The following BBOX1 variants were observed in gnomAD, a reference collection of about 807,000 sequenced individuals.
BBOX1 encodes the protein gamma-butyrobetaine hydroxylase 1, also known as gamma-butyrobetaine dioxygenase.
In BBOX1, 35 loss-of-function variants were observed where a neutral mutation model predicts 41.6. That is an observed-to-expected ratio of 0.84 (90% CI 0.64 to 1.11). BBOX1 has a LOEUF of 1.11. BBOX1 is among the 50% of genes most tolerant of loss of function. The probability of loss-of-function intolerance (pLI) is 0.00; values close to 1 mark genes in which losing one functional copy is unlikely to be tolerated. For missense variants in BBOX1, 458 were observed against 460.6 expected (o/e 0.99, Z 0.05); for synonymous variants, 163 against 154.7 (o/e 1.05, Z -0.40).
intron 4 of BBOX1, among the ~76,000 whole-genome samples, chr11:27,079,612 A>G (rs1857761783): frequency 6.6e-6 from 1 of 152,158 alleles, no homozygotes; most frequent in African/African-American, 2.4e-5. Context: ...TCAGTAAGGC[A>G]TAATAGGAGA....
chr11:27,056,976 G>T (rs1218988170), intron 3 of BBOX1, among the ~76,000 whole-genome samples: 1 of 148,872 alleles, frequency 6.7e-6, no homozygotes, highest in Non-Finnish European at 1.5e-5. Context: ...TGAGGCAGGG[G>T]AATCGCTGGA....
chr11:27,048,068 A>G (rs969563161), intron 2 of BBOX1, among the ~76,000 whole-genome samples: 1 of 152,180 alleles, frequency 6.6e-6, no homozygotes, highest in Admixed American at 6.5e-5. Context: ...CAATCAAACT[A>G]ATTAATATAT....
intron 5 of BBOX1, among the ~76,000 whole-genome samples, chr11:27,104,859 A>G (rs1858804851): frequency 6.6e-6 from 1 of 152,108 alleles, no homozygotes; most frequent in South Asian, 2.1e-4. Flanking sequence ...GCAGACTGAC[A>G]CCTCACACAG....
chr11:27,116,107 G>A (rs1055298003), intron 6 of BBOX1, among the ~76,000 whole-genome samples: 2 of 152,010 alleles, frequency 1.3e-5, no homozygotes, highest in Admixed American at 6.6e-5. Flanking sequence ...TAAAGAAAAC[G>A]TGGCAGATAT....
At chr11:27,084,714 C>T (rs73430394) in intron 4 of BBOX1, among the ~76,000 whole-genome samples, 10,831 of 152,204 alleles carry the variant, frequency 0.071, 1,288 homozygotes, top group African/African-American at 0.24. Context: ...GCATGCTGTG[C>T]TCATGAATCT....
intron 5 of BBOX1, among the ~76,000 whole-genome samples, chr11:27,106,985 AC>A (rs1411766941): frequency 1.4e-4 from 21 of 152,198 alleles, no homozygotes; most frequent in African/African-American, 5.1e-4. Flanking sequence ...CTCCTGAATG[AC>A]TACTGGGTAC....
intron 5 of BBOX1, among the ~76,000 whole-genome samples, chr11:27,099,559 T>C (rs1226822357): frequency 6.6e-6 from 1 of 152,086 alleles, no homozygotes; most frequent in African/African-American, 2.4e-5. Flanking sequence ...ATAAATACTT[T>C]GGAAACTTTA....
chr11:27,109,205 G>A (rs879856957), intron 5 of BBOX1, among the ~76,000 whole-genome samples: 60 of 152,036 alleles, frequency 3.9e-4, no homozygotes, highest in Non-Finnish European at 6.6e-4. Flanking sequence ...AATAAAACAT[G>A]CTTATGAGAG....
At position 27,065,505 on chromosome 11, in the gene BBOX1, A is replaced by G. The variant is rs372954919; in HGVS notation, c.334+8190A>G. Among the ~76,000 whole-genome samples, 64 of 152,314 alleles carry G rather than the reference A, an allele frequency of 4.2e-4. No homozygotes were observed. The South Asian group carries it at 0.011, about 26-fold the overall frequency. ...CCCTTGTTCTGACTGTAAACCTACC[A>G]GGGGAGACTCAGAACCTGGGAAGCA... On this transcript the variant is annotated intron_variant, in intron 4 of 8. Transcript: ENST00000263182.
Position 27,127,687 on chromosome 11 carries a change from C to T in BBOX1, c.*234C>T, listed in dbSNP as rs1033270905. Reference sequence around the variant, plus strand: ...CTTTCTGCTCTGTTGCATGCCTGCTCTAATTTCTTTTGCCCATATATGAGT... The same window carrying T: ...CTTTCTGCTCTGTTGCATGCCTGCTTTAATTTCTTTTGCCCATATATGAGT... On this transcript the variant is annotated 3_prime_UTR_variant, in exon 9 of 9. Transcript: ENST00000263182. The T allele has an allele frequency of 2.2e-6, 1 of 446,900 alleles. No homozygotes were observed. The highest frequency in any genetic ancestry group is 2.0e-5 in the African/African-American group (1 of 49,026). The allele number at this position is 446,900 out of a possible 1,614,324, so 27.7% of individuals were successfully genotyped here. A position where few individuals can be genotyped will look rare whatever the true frequency, so the allele number is the denominator to read the frequency against.
intron 5 of BBOX1, among the ~76,000 whole-genome samples, chr11:27,095,656 G>T (rs770911401): frequency 9.9e-5 from 15 of 151,802 alleles, no homozygotes; most frequent in Non-Finnish European, 1.8e-4. Context: ...TTCTACCACT[G>T]GTTATCAAGA....
At chr11:27,055,718 AGAT>A in intron 3 of BBOX1, 69 bp downstream of exon 3, 5 of 1,423,810 alleles carry the variant, frequency 3.5e-6, no homozygotes, top group African/African-American at 1.4e-5. Flanking sequence ...ACAATAATTT[AGAT>A]AACTCTTTTT....
intron 4 of BBOX1, among the ~76,000 whole-genome samples, chr11:27,070,517 T>C (rs1208274216): frequency 6.6e-6 from 1 of 152,128 alleles, no homozygotes; most frequent in Non-Finnish European, 1.5e-5. Flanking sequence ...ATAATGACCC[T>C]CTTTCTTTTT....
intron 4 of BBOX1, among the ~76,000 whole-genome samples, chr11:27,082,826 G>C (rs1382062736): frequency 2.0e-5 from 3 of 152,080 alleles, no homozygotes; most frequent in Non-Finnish European, 4.4e-5. Flanking sequence ...TATTTTACGT[G>C]TAATTCTTGT....
intron 2 of BBOX1, among the ~76,000 whole-genome samples, chr11:27,043,247 T>A (rs1851389597): frequency 6.6e-6 from 1 of 152,064 alleles, no homozygotes; most frequent in Admixed American, 6.6e-5. Flanking sequence ...GTATTTTTAG[T>A]AGAGACGGGG....
At chr11:27,113,253 A>G (rs1181118317) in intron 5 of BBOX1, among the ~76,000 whole-genome samples, 5 of 151,966 alleles carry the variant, frequency 3.3e-5, no homozygotes, top group African/African-American at 1.2e-4. Flanking sequence ...GCAATTTCTC[A>G]AAGACCTTAA....
At chr11:27,100,639 C>G (rs1400636055) in intron 5 of BBOX1, among the ~76,000 whole-genome samples, 1 of 152,112 alleles carries the variant, frequency 6.6e-6, no homozygotes, top group Admixed American at 6.5e-5. Flanking sequence ...CTTATGTTAT[C>G]AGCCAAGAGC....
chr11:27,073,946 G>GAT (rs1857550174), intron 4 of BBOX1, among the ~76,000 whole-genome samples: 1 of 152,060 alleles, frequency 6.6e-6, no homozygotes, highest in Non-Finnish European at 1.5e-5. Context: ...ATAGCATTAG[G>GAT]AGATATACCT....
intron 4 of BBOX1, among the ~76,000 whole-genome samples, chr11:27,077,907 T>G (rs147319734): frequency 1.3e-5 from 2 of 152,194 alleles, no homozygotes; most frequent in East Asian, 3.9e-4. Flanking sequence ...ATACCCAGCA[T>G]GCACAATTCT....
Sources: gnomAD v4.1 joint callset for allele counts (sites outside exome capture counted in the v4.1 genomes callset) on GRCh38, gnomAD v4.1.1 for gene constraint, MANE v1.5 for transcripts, NCBI Gene and HGNC (gene_info 2026-07-23, HGNC 2026-07-21) for gene names.